TMEM33: variants seen among roughly 807,000 people sequenced by gnomAD.
TMEM33 encodes transmembrane protein 33.
In TMEM33, 16 loss-of-function variants were observed where a neutral mutation model predicts 29.7. That is an observed-to-expected ratio of 0.54 (90% CI 0.36 to 0.82). The LOEUF (loss-of-function observed/expected upper bound fraction) is 0.82. Ranked by LOEUF, TMEM33 falls within the 40% of genes least tolerant of loss-of-function variation. The pLI, the probability that TMEM33 is intolerant of heterozygous loss-of-function variation, is 0.00. For synonymous variants in TMEM33, 112 were observed against 109.4 expected (o/e 1.02, Z -0.15); for missense variants, 252 against 295.3 (o/e 0.85, Z 1.08).
chr4:41,938,888 T>G (rs1166966617), intron 2 of TMEM33, among the ~76,000 whole-genome samples, 192 bp downstream of exon 2: 1 of 152,222 alleles, frequency 6.6e-6, no homozygotes, highest in Non-Finnish European at 1.5e-5. Flanking sequence ...TTTGTGAAAC[T>G]AACACATTGA....
At chr4:41,948,266 ATATTCGAGATTGTGG>A in intron 5 of TMEM33, among the ~76,000 whole-genome samples, 1 of 152,296 alleles carries the variant, frequency 6.6e-6, no homozygotes, top group East Asian at 1.9e-4. Context: ...CTGGAAGGAC[ATATTCGAGATTGTGG>A]TATAAGTTTG....
intron 4 of TMEM33, chr4:41,944,117 A>G: frequency 3.1e-6 from 1 of 322,850 alleles, no homozygotes; most frequent in Non-Finnish European, 5.7e-6. Context: ...TTGAGTTGTC[A>G]GATCTCTTGT....
chr4:41,935,747 C>T (rs1712199022), intron 1 of TMEM33, among the ~76,000 whole-genome samples: 1 of 152,222 alleles, frequency 6.6e-6, no homozygotes, highest in South Asian at 2.1e-4. Context: ...TGACCTGGAG[C>T]TGGTGGCCCC....
rs1003396209 is a variant in TMEM33, at chr4:41,952,404, A to T, written c.615-1666A>T. On this transcript the variant is annotated intron_variant, in intron 6 of 6. Coordinates refer to ENST00000504986, the MANE Select transcript of TMEM33 (RefSeq NM_018126.3). ...AGTAGTTGCATCTTTATACAGGATG[A>T]GTCAGCACATAAGGTGAAAATTGTG... Among the ~76,000 whole-genome samples the T allele has an allele frequency of 2.6e-5, 4 of 152,360 alleles. No homozygotes were observed. In the East Asian group the frequency reaches 7.7e-4, roughly 29 times the overall value.
intron 6 of TMEM33, among the ~76,000 whole-genome samples, chr4:41,951,743 G>A (rs1713046592): frequency 1.3e-5 from 2 of 152,216 alleles, no homozygotes; most frequent in African/African-American, 2.4e-5. Flanking sequence ...ATTCACTGAG[G>A]AGGTGGGAAC....
Position 41,939,247 on chromosome 4 carries a change from T to C in TMEM33, c.192T>C (p.Leu64=), listed in dbSNP as rs1478067466. The change falls in exon 3 of 7, where the codon CTT becomes CTC. Residue 64 remains leucine (L), a synonymous_variant. Coordinates refer to ENST00000504986, the MANE Select transcript of TMEM33 (RefSeq NM_018126.3). ...FYQRALLANA[L]TSALRLHQRL... ...AACGTGCTTTGCTGGCAAATGCTCT[T>C]ACCAGTGCTCTGAGGCTGCATCAAA... The C allele has an allele frequency of 6.2e-7, 1 of 1,612,310 alleles. No homozygotes were observed. The highest frequency in any genetic ancestry group is 1.1e-5 in the South Asian group (1 of 90,748).
intron 5 of TMEM33, among the ~76,000 whole-genome samples, chr4:41,948,139 C>T (rs1402389725): frequency 6.6e-6 from 1 of 152,024 alleles, no homozygotes; most frequent in Middle Eastern, 3.2e-3. Flanking sequence ...ACGTTTCTGT[C>T]TCAGTTTTTT....
rs1560522360 is a variant in TMEM33 at position 41,959,363 on chromosome 4, G to C, written c.*5164G>C. 6.6e-6 allele frequency: 1 copy of C among 152,206 alleles called. No individual in the cohort carries two copies. Among genetic ancestry groups the C allele is most frequent in the East Asian group, 1.9e-4 (1 of 5,198 alleles). 9.4% of individuals were successfully genotyped at this position (152,206 alleles called of 1,614,324 possible). ...AACTCTATATAGTCTTTCTCCTCTTGTGCGTGTAGGAAATCTGACCTGCAG... is the reference window on the plus strand; with the variant it reads ...AACTCTATATAGTCTTTCTCCTCTTCTGCGTGTAGGAAATCTGACCTGCAG... On this transcript the variant is annotated 3_prime_UTR_variant, in exon 7 of 7. Transcript: ENST00000504986.
intron 6 of TMEM33, among the ~76,000 whole-genome samples, chr4:41,952,951 A>T (rs1192193127): frequency 6.6e-6 from 1 of 152,132 alleles, no homozygotes; most frequent in Admixed American, 6.6e-5. Flanking sequence ...CTGTCCATGT[A>T]GTATATTTTT....
chr4:41,959,105 A>C lies in TMEM33; in HGVS notation c.*4906A>C, dbSNP rs1713385221. ...TATATGATATTATAGCTCAACATTT[A>C]GTATACCAAAGGCATACCCGTGTAA... On this transcript the variant is annotated 3_prime_UTR_variant, in exon 7 of 7. Transcript: ENST00000504986. 6.6e-6 allele frequency: 1 copy of C among 152,170 alleles called. No individual in the cohort carries two copies. The allele number at this position is 152,170 out of a possible 1,614,324, so 9.4% of individuals were successfully genotyped here. A position where few individuals can be genotyped will look rare whatever the true frequency, so the allele number is the denominator to read the frequency against.
In TMEM33 at chr4:41,959,423, A is replaced by G. The variant is rs1420148959; in HGVS notation, c.*5224A>G. 1 of 152,238 alleles carries G rather than the reference A, an allele frequency of 6.6e-6. No homozygotes were observed. Among genetic ancestry groups the G allele is most frequent in the African/African-American group, 2.4e-5 (1 of 41,466 alleles). The allele number at this position is 152,238 out of a possible 1,614,324, so 9.4% of individuals were successfully genotyped here. ...ATGTGACAAGAGATAAAGAAAGCAC[A>G]GTATTTTAAAATCTAAAGCAGATTC... On this transcript the variant is annotated 3_prime_UTR_variant, in exon 7 of 7. Coordinates refer to ENST00000504986, the MANE Select transcript of TMEM33 (RefSeq NM_018126.3).
intron 3 of TMEM33, among the ~76,000 whole-genome samples, chr4:41,942,396 A>G (rs1214991249): frequency 1.3e-5 from 2 of 152,216 alleles, no homozygotes; most frequent in Non-Finnish European, 2.9e-5. Flanking sequence ...TTCTTCTAAT[A>G]CTTGGATATA....
chr4:41,944,409 G>A (rs939255966), intron 4 of TMEM33, among the ~76,000 whole-genome samples: 1 of 152,286 alleles, frequency 6.6e-6, no homozygotes, highest in African/African-American at 2.4e-5. Context: ...TTTGGTCACA[G>A]CAGTAATTAC....
At chr4:41,935,151 CA>C (rs765217209), upstream of TMEM33, 56 of 439,938 alleles carry the variant, frequency 1.3e-4, no homozygotes, top group East Asian at 8.0e-4. Context: ...CCGGGTTCGG[CA>C]ATAACCTGGA....
chr4:41,949,514 T>A, intron 6 of TMEM33, 129 bp downstream of exon 6: 2 of 730,280 alleles, frequency 2.7e-6, no homozygotes, highest in Non-Finnish European at 4.3e-6. Context: ...TTTGTAAATT[T>A]AAGTTCTAGG....
At chr4:41,949,928 T>C (rs1318755939) in intron 6 of TMEM33, among the ~76,000 whole-genome samples, 1 of 152,152 alleles carries the variant, frequency 6.6e-6, no homozygotes, top group African/African-American at 2.4e-5. Flanking sequence ...CAAGCCATAT[T>C]TGAGGAACTT....
At chr4:41,945,254 C>T (rs1484124682) in intron 5 of TMEM33, among the ~76,000 whole-genome samples, 1 of 152,168 alleles carries the variant, frequency 6.6e-6, no homozygotes, top group African/African-American at 2.4e-5. Flanking sequence ...TAGAGAAAAA[C>T]TTTTAAAATT....
intron 6 of TMEM33, chr4:41,953,719 G>C: frequency 2.2e-6 from 1 of 457,450 alleles, no homozygotes; most frequent in Middle Eastern, 3.9e-4. Flanking sequence ...AGACCAATCA[G>C]GAATGGCCTT....
At chr4:41,953,679 A>C (rs1486508440) in intron 6 of TMEM33, 6 of 446,100 alleles carry the variant, frequency 1.3e-5, no homozygotes, top group Non-Finnish European at 2.2e-5. Flanking sequence ...TTGTGTCTCA[A>C]AGAATAGGTA....
Sources: allele counts gnomAD v4.1 joint callset (sites outside exome capture counted in the v4.1 genomes callset), GRCh38; gene constraint gnomAD v4.1.1; transcripts MANE v1.5; gene names NCBI Gene and HGNC (gene_info 2026-07-23, HGNC 2026-07-21).